The following SYDE2 variants were observed in gnomAD, a reference collection of about 807,000 sequenced individuals.
SYDE2 encodes rho GTPase-activating protein SYDE2.
SYDE2 carries 76 observed loss-of-function variants against 91.5 expected under a neutral mutation model. That is an observed-to-expected ratio of 0.83 (90% CI 0.69 to 1.01). The LOEUF (loss-of-function observed/expected upper bound fraction) is 1.01. SYDE2 is among the 50% of genes least tolerant of loss of function. The probability of loss-of-function intolerance (pLI) is 0.00; values close to 1 mark genes in which losing one functional copy is unlikely to be tolerated. For missense variants in SYDE2, 1,364 were observed against 1,367.7 expected, an observed-to-expected ratio of 1.00 and a Z score of 0.04; for synonymous variants, 513 against 506.4, an observed-to-expected ratio of 1.01 and a Z score of -0.18.
chr1:85,186,967 T>C (rs1189444934), intron 2 of SYDE2, among the ~76,000 whole-genome samples: 5 of 152,276 alleles, frequency 3.3e-5, no homozygotes, highest in Non-Finnish European at 7.4e-5. Flanking sequence ...AAGGACTTCA[T>C]GTCTAAAACA....
At chr1:85,176,630 T>C (rs1657709610) in intron 4 of SYDE2, among the ~76,000 whole-genome samples, 1 of 151,992 alleles carries the variant, frequency 6.6e-6, no homozygotes, top group Non-Finnish European at 1.5e-5. Context: ...AATTAACACA[T>C]TACAGCAAGA....
At chr1:85,177,259 G>A (rs144736334) in intron 4 of SYDE2, among the ~76,000 whole-genome samples, 1 of 152,216 alleles carries the variant, frequency 6.6e-6, no homozygotes, top group Non-Finnish European at 1.5e-5. Context: ...AGGGGTAATA[G>A]AAGTATATTT....
chr1:85,170,212 C>T (rs1162708410), intron 4 of SYDE2, among the ~76,000 whole-genome samples: 1 of 151,446 alleles, frequency 6.6e-6, no homozygotes, highest in Non-Finnish European at 1.5e-5. Context: ...GCAATCCTCC[C>T]ACCTCAGCCT....
chr1:85,191,953 T>C (rs1658388169), intron 1 of SYDE2, among the ~76,000 whole-genome samples: 1 of 152,148 alleles, frequency 6.6e-6, no homozygotes, highest in Non-Finnish European at 1.5e-5. Flanking sequence ...ACTATCATTA[T>C]AATAAAAATT....
intron 3 of SYDE2, chr1:85,181,813 T>C: frequency 3.9e-6 from 1 of 258,812 alleles, no homozygotes; most frequent in East Asian, 7.9e-5. Context: ...AGCTCTGACT[T>C]TTCCTTTTAA....
Position 85,200,594 on chromosome 1 carries a change from G to C in SYDE2, c.403C>G (p.Arg135Gly). 1 of 1,571,380 alleles carries C rather than the reference G, an allele frequency of 6.4e-7. No homozygotes were observed. Among genetic ancestry groups the C allele is most frequent in the Non-Finnish European group, 8.6e-7 (1 of 1,162,794 alleles). ...RMDGWSGDRARAAAPTGLQPP... is the reference protein window; with the variant it reads ...RMDGWSGDRAGAAAPTGLQPP... ...TGGAGGCCGGTGGGTGCAGCCGCCC[G>C]GGCGCGGTCCCCACTCCAGCCGTCC... Residue 135 changes from arginine (R) to glycine (G), a missense_variant, in exon 1 of 7, where the codon CGG (arginine) becomes GGG (glycine). Physicochemically the swap from Arg to Gly is moderately radical, Grantham distance 125. Transcript: ENST00000341460.
At chr1:85,192,858 A>G (rs2100690555) in intron 1 of SYDE2, among the ~76,000 whole-genome samples, 1 of 152,304 alleles carries the variant, frequency 6.6e-6, no homozygotes, top group Admixed American at 6.5e-5. Flanking sequence ...ATACCATGCT[A>G]CTCACAAACA....
intron 5 of SYDE2, among the ~76,000 whole-genome samples, chr1:85,168,538 C>G (rs566981554): frequency 1.3e-5 from 2 of 152,176 alleles, no homozygotes; most frequent in African/African-American, 4.8e-5. Context: ...GGATGCTGGT[C>G]TGAAGATTTT....
intron 2 of SYDE2, 104 bp from the exon 3 acceptor site, chr1:85,183,304 A>T: frequency 7.7e-6 from 8 of 1,042,592 alleles, no homozygotes; most frequent in Non-Finnish European, 1.0e-5. Context: ...ATAGGCAGAA[A>T]TTCTTCTCTT....
At chr1:85,174,293 G>A (rs763732801) in intron 4 of SYDE2, among the ~76,000 whole-genome samples, 1 of 152,154 alleles carries the variant, frequency 6.6e-6, no homozygotes, top group Non-Finnish European at 1.5e-5. Flanking sequence ...TGACTTTATT[G>A]ATAGTTACAG....
intron 4 of SYDE2, among the ~76,000 whole-genome samples, chr1:85,176,837 C>CA (rs540928036): frequency 1.0e-3 from 159 of 152,182 alleles, no homozygotes; most frequent in African/African-American, 3.6e-3. Context: ...AACCAGGTGA[C>CA]AGAGAGGATT....
At chr1:85,168,821 A>G (rs1657395754) in intron 5 of SYDE2, among the ~76,000 whole-genome samples, 1 of 152,244 alleles carries the variant, frequency 6.6e-6, no homozygotes, top group Admixed American at 6.5e-5. Flanking sequence ...GTGAGTATTC[A>G]TGCTTGGGCT....
intron 6 of SYDE2, among the ~76,000 whole-genome samples, chr1:85,159,466 C>G (rs561442911): frequency 6.6e-6 from 1 of 152,274 alleles, no homozygotes; most frequent in African/African-American, 2.4e-5. Context: ...GGTGCTAATT[C>G]ATGCTACATC....
intron 1 of SYDE2, among the ~76,000 whole-genome samples, chr1:85,193,735 C>T (rs553099887): frequency 1.6e-4 from 24 of 152,156 alleles, no homozygotes; most frequent in Admixed American, 4.6e-4. Flanking sequence ...GTGATCCTCC[C>T]GCCTCAGTCT....
chr1:85,176,976 C>A (rs1377659937), intron 4 of SYDE2, among the ~76,000 whole-genome samples: 1 of 152,106 alleles, frequency 6.6e-6, no homozygotes, highest in Non-Finnish European at 1.5e-5. Flanking sequence ...AGGTTATGAG[C>A]CATTTCTTAA....
At chr1:85,187,168 A>G (rs1658175671) in intron 2 of SYDE2, among the ~76,000 whole-genome samples, 1 of 152,194 alleles carries the variant, frequency 6.6e-6, no homozygotes, top group South Asian at 2.1e-4. Context: ...CAAATTTACA[A>G]GAAAAAAACA....
intron 4 of SYDE2, among the ~76,000 whole-genome samples, chr1:85,177,584 A>G (rs1277585108): frequency 2.6e-5 from 4 of 151,902 alleles, no homozygotes; most frequent in African/African-American, 9.7e-5. Flanking sequence ...ACTTCTTCCT[A>G]TTTCTACTGC....
intron 6 of SYDE2, among the ~76,000 whole-genome samples, chr1:85,163,390 C>T (rs58859506): frequency 0.035 from 5,034 of 143,716 alleles, 305 homozygotes; most frequent in African/African-American, 0.12. Context: ...TTTTTATTAA[C>T]TTAATTTTTA....
chr1:85,182,728 A>G lies in SYDE2; in HGVS notation c.1914T>C (p.Ser638=). 2 of 1,613,858 alleles carry G rather than the reference A, an allele frequency of 1.2e-6. No homozygotes were observed. The highest frequency in any genetic ancestry group is 1.7e-6 in the Non-Finnish European group (2 of 1,179,844). Reference sequence around the variant, plus strand: ...CTTTTCCTTTTCCAAATTTGTTTTCAGATCCATGTTTGCTAGCTTTAGTTG... The same window carrying G: ...CTTTTCCTTTTCCAAATTTGTTTTCGGATCCATGTTTGCTAGCTTTAGTTG... ...ELTTKASKHG[S]ENKFGKGKEI... The change falls in exon 3 of 7, where the codon TCT becomes TCC. Residue 638 remains serine, a synonymous_variant. Transcript: ENST00000341460.
Sources: allele counts gnomAD v4.1 joint callset (sites outside exome capture counted in the v4.1 genomes callset), GRCh38; gene constraint gnomAD v4.1.1; transcripts MANE v1.5; gene names NCBI Gene and HGNC (gene_info 2026-07-23, HGNC 2026-07-21).